The following INO80D variants were observed in gnomAD, a reference collection of about 807,000 sequenced individuals.
The protein encoded by INO80D is INO80 complex subunit D.
In INO80D, 21 loss-of-function variants were observed where a neutral mutation model predicts 87.6. The observed-to-expected ratio is 0.24, with a 90% CI of 0.17 to 0.35. INO80D has a LOEUF of 0.35. INO80D is among the 10% of genes least tolerant of loss of function. The probability of loss-of-function intolerance (pLI) is 1.00; values close to 1 mark genes in which losing one functional copy is unlikely to be tolerated. For missense variants in INO80D, 982 were observed against 1,280.7 expected, an observed-to-expected ratio of 0.77 and a Z score of 3.56; for synonymous variants, 440 against 491.0, an observed-to-expected ratio of 0.90 and a Z score of 1.37.
rs752748318 is a variant in INO80D, at chr2:206,004,214, C to G, written c.*154G>C. 3 of 693,538 alleles carry G rather than the reference C, an allele frequency of 4.3e-6. No homozygotes were observed. Among genetic ancestry groups the G allele is most frequent in the Non-Finnish European group, 7.2e-6 (3 of 415,118 alleles). The allele number at this position is 693,538 out of a possible 1,614,324, so 43.0% of individuals were successfully genotyped here. The stretch of plus-strand genomic sequence containing the variant: ...GCACATGTGAACACTGTAGCGAGGT[C>G]CACTGCAGGGCCACTCATTGAACTG... On this transcript the variant is annotated 3_prime_UTR_variant, in exon 11 of 11. Coordinates refer to ENST00000403263, the MANE Select transcript of INO80D (RefSeq NM_017759.5). The surrounding 1 kb of genome is among the most constrained non-coding windows in gnomAD (Gnocchi z 4.9).
intron 5 of INO80D, 138 bp from the exon 6 acceptor site, chr2:206,028,473 T>C: frequency 1.7e-6 from 1 of 604,432 alleles, no homozygotes; most frequent in South Asian, 2.3e-5. Flanking sequence ...CTTCACACAA[T>C]TAGAGTAAGA....
chr2:206,005,765 T>A (rs12470360), intron 10 of INO80D, among the ~76,000 whole-genome samples: 45,156 of 152,164 alleles, frequency 0.3, 7,263 homozygotes, highest in Admixed American at 0.36. Flanking sequence ...ATTTACTGAA[T>A]ACCATCTCAA....
chr2:206,057,339 A>G (rs570601278), intron 3 of INO80D, among the ~76,000 whole-genome samples: 27 of 152,348 alleles, frequency 1.8e-4, no homozygotes, highest in African/African-American at 6.5e-4. Flanking sequence ...TAATGCCATT[A>G]AAGTATTCGG....
intron 10 of INO80D, 21 bp from the exon 11 acceptor site, chr2:206,005,554 G>A (rs370186361): frequency 7.8e-5 from 122 of 1,569,794 alleles, no homozygotes; most frequent in African/African-American, 6.3e-4. Context: ...AAAAGCCATC[G>A]ACAATCAGTA....
intron 5 of INO80D, among the ~76,000 whole-genome samples, chr2:206,036,233 C>CT (rs1369326176): frequency 6.6e-6 from 1 of 152,172 alleles, no homozygotes; most frequent in Non-Finnish European, 1.5e-5. Context: ...AGCAATCCCA[C>CT]TACCGGGTAC....
intron 4 of INO80D, among the ~76,000 whole-genome samples, chr2:206,050,350 G>T (rs1306035717): frequency 6.6e-6 from 1 of 151,574 alleles, no homozygotes; most frequent in Non-Finnish European, 1.5e-5. Flanking sequence ...AAATTAGCTG[G>T]ATGTGGTAGC....
chr2:206,056,789 C>T lies in INO80D; in HGVS notation c.373G>A (p.Gly125Arg), dbSNP rs1411627915. 1.2e-6 allele frequency: 2 copies of T among 1,612,390 alleles called. No homozygotes were observed. Among genetic ancestry groups the T allele is most frequent in the East Asian group, 2.2e-5 (1 of 44,862 alleles). ...GGAGAGAGGGACATTCCATCCAGTC[C>T]GTTGGGCATCTTCAAGGCCAACGTG... Reference protein sequence around the residue: ...VPTLALKMPNGLDGMSLSPPG... With the variant: ...VPTLALKMPNRLDGMSLSPPG... The change falls in exon 4 of 11, where the codon GGA becomes AGA. Residue 125 changes from glycine to arginine, a missense_variant. Coordinates refer to ENST00000403263, the MANE Select transcript of INO80D (RefSeq NM_017759.5).
chr2:206,062,825 G>A lies in INO80D; in HGVS notation c.192C>T (p.Asn64=), dbSNP rs1261878384. The A allele has an allele frequency of 3.7e-6, 6 of 1,610,508 alleles. No individual in the cohort carries two copies. The Admixed American group carries it at 6.8e-5, about 18-fold the overall frequency. ...TACGATCCTCTGATTTGGGGATGGG[G>A]TTGGTGCAGCGTTGGCTGTTATACT... ...VAKYNSQRCT[N]PIPKSEDRRY... is the part of the protein sequence containing the mutation. Residue 64 remains asparagine (N), a synonymous_variant, in exon 3 of 11, where the codon AAC becomes AAT. Coordinates refer to ENST00000403263, the MANE Select transcript of INO80D (RefSeq NM_017759.5). This position sits in a 1 kb window ranked among gnomAD's most constrained non-coding sequence, Gnocchi z 4.6.
chr2:206,031,839 C>T (rs1044305777), intron 5 of INO80D, among the ~76,000 whole-genome samples: 5 of 152,168 alleles, frequency 3.3e-5, no homozygotes, highest in African/African-American at 7.2e-5. Flanking sequence ...CTGCAGGATC[C>T]GGAGACACTC....
At chr2:206,082,896 G>C (rs551937830) in intron 1 of INO80D, among the ~76,000 whole-genome samples, 1 of 152,236 alleles carries the variant, frequency 6.6e-6, no homozygotes, top group African/African-American at 2.4e-5. Flanking sequence ...TCTAAAAATA[G>C]TAGCAACATG....
At chr2:206,021,491 T>G (rs1191161201) in intron 6 of INO80D, among the ~76,000 whole-genome samples, 1 of 152,226 alleles carries the variant, frequency 6.6e-6, no homozygotes, top group Non-Finnish European at 1.5e-5. Context: ...ATTGTTTACA[T>G]TAAATTTAGC....
rs1436840750 is a variant in INO80D at position 206,062,423 on chromosome 2, G to T, written c.218+376C>A. ...TCATTTAGGCAAATGAGAAAACTAG[G>T]TAGAAAAGTCAGGAATTACTTTATA... On this transcript the variant is annotated intron_variant, in intron 3 of 10. Transcript: ENST00000403263. This position sits in a 1 kb window ranked among gnomAD's most constrained non-coding sequence, Gnocchi z 4.6. Among the ~76,000 whole-genome samples, 1 of 151,964 alleles carries T rather than the reference G, an allele frequency of 6.6e-6. No homozygotes were observed. Among genetic ancestry groups the T allele is most frequent in the Non-Finnish European group, 1.5e-5 (1 of 67,988 alleles).
At chr2:206,022,559 T>C (rs981701027) in intron 6 of INO80D, among the ~76,000 whole-genome samples, 1 of 152,172 alleles carries the variant, frequency 6.6e-6, no homozygotes. Flanking sequence ...GATGTTTCCA[T>C]ACAAACATTA....
rs1687816037 is a variant in INO80D at position 205,996,752 on chromosome 2, T to C, written c.*7616A>G. On this transcript the variant is annotated 3_prime_UTR_variant, in exon 11 of 11. Coordinates refer to ENST00000403263, the MANE Select transcript of INO80D (RefSeq NM_017759.5). ...CAGCAAAGTGCCACCACATCCCATATACACATCTCTGTACAGATATACACA... is the reference window on the plus strand; with the variant it reads ...CAGCAAAGTGCCACCACATCCCATACACACATCTCTGTACAGATATACACA... 3 of 152,076 alleles carry C rather than the reference T, an allele frequency of 2.0e-5. No individual in the cohort carries two copies. The highest frequency in any genetic ancestry group is 1.3e-4 in the Admixed American group (2 of 15,264). The allele number at this position is 152,076 out of a possible 1,614,324, so 9.4% of individuals were successfully genotyped here. A position where few individuals can be genotyped will look rare whatever the true frequency, so the allele number is the denominator to read the frequency against.
intron 9 of INO80D, among the ~76,000 whole-genome samples, chr2:206,008,278 C>T (rs1175398365): frequency 7.3e-6 from 1 of 136,572 alleles, no homozygotes; most frequent in Non-Finnish European, 1.6e-5. Flanking sequence ...GCCACCATGC[C>T]TTGCTTTTTT....
chr2:206,068,500 G>T (rs1689878367), intron 1 of INO80D, among the ~76,000 whole-genome samples: 1 of 152,122 alleles, frequency 6.6e-6, no homozygotes, highest in South Asian at 2.1e-4. Flanking sequence ...TTGGAACACA[G>T]CCATGCTCAT....
At chr2:206,041,827 C>G (rs1164881273) in intron 5 of INO80D, among the ~76,000 whole-genome samples, 1 of 152,094 alleles carries the variant, frequency 6.6e-6, no homozygotes, top group Non-Finnish European at 1.5e-5. Context: ...GCCCATAGAT[C>G]AAACAAGAAA....
At chr2:206,010,774 A>G (rs747983900) in intron 8 of INO80D, among the ~76,000 whole-genome samples, 5 of 152,098 alleles carry the variant, frequency 3.3e-5, no homozygotes, top group Admixed American at 1.3e-4. Flanking sequence ...TTTAAAACAA[A>G]CCAAAAAAAA....
At chr2:206,006,572 A>C (rs777827245) in intron 10 of INO80D, among the ~76,000 whole-genome samples, 1 of 151,606 alleles carries the variant, frequency 6.6e-6, no homozygotes, top group African/African-American at 2.4e-5. Context: ...AATCCCAGCT[A>C]CTCGGGAGGC....
Sources: gnomAD v4.1 joint callset for allele counts (sites outside exome capture counted in the v4.1 genomes callset) on GRCh38, gnomAD v4.1.1 for gene constraint, Gnocchi (gnomAD v3.1) non-coding constraint, MANE v1.5 for transcripts, NCBI Gene and HGNC (gene_info 2026-07-23, HGNC 2026-07-21) for gene names.